The following RILPL1 variants were observed in gnomAD, a reference collection of about 807,000 sequenced individuals.
RILPL1 encodes the protein RILP-like protein 1.
In RILPL1, 33 loss-of-function variants were observed where a neutral mutation model predicts 50.3. That is an observed-to-expected ratio of 0.66 (90% CI 0.50 to 0.88). The LOEUF (loss-of-function observed/expected upper bound fraction) is 0.88, where lower values mean the gene tolerates loss of function less well. Ranked by LOEUF, RILPL1 falls within the 40% of genes least tolerant of loss-of-function variation. RILPL1 has a pLI of 0.00. For missense variants in RILPL1, 418 were observed against 542.5 expected (o/e 0.77, Z 2.28); for synonymous variants, 205 against 228.6 (o/e 0.90, Z 0.93).
At chr12:123,525,864 G>A (rs1885233670) in intron 1 of RILPL1, among the ~76,000 whole-genome samples, 1 of 151,870 alleles carries the variant, frequency 6.6e-6, no homozygotes, top group South Asian at 2.1e-4. Context: ...CACTTTAAAT[G>A]AGTGTTATGG....
chr12:123,530,159 C>G (rs1298272702), intron 1 of RILPL1, among the ~76,000 whole-genome samples: 1 of 152,024 alleles, frequency 6.6e-6, no homozygotes, highest in Non-Finnish European at 1.5e-5. Context: ...ATTAACCTCA[C>G]TGGTTTGTTG....
intron 2 of RILPL1, among the ~76,000 whole-genome samples, chr12:123,521,696 TGTATATATATATA>T (rs1885060267): frequency 1.4e-4 from 15 of 111,064 alleles, no homozygotes; most frequent in Non-Finnish European, 3.6e-5. Flanking sequence ...CACACATATA[TGTATATATATATA>T]AATATATATA....
rs915277352 is a variant in RILPL1, at chr12:123,498,846, A to G, written c.580-81T>C. The G allele has an allele frequency of 2.9e-5, 37 of 1,281,610 alleles. No individual in the cohort carries two copies. In the Middle Eastern group the frequency reaches 9.3e-4, roughly 32 times the overall value. 79.4% of individuals were successfully genotyped at this position (1,281,610 alleles called of 1,614,324 possible). ...TACACTGCACAACGGCAAACCATCC[A>G]TAGGTGTGCCATTTACATTGCAGAC... On this transcript the variant is annotated intron_variant, in intron 3 of 6. Coordinates refer to ENST00000376874, the MANE Select transcript of RILPL1 (RefSeq NM_178314.5). The surrounding 1 kb of genome is among the most constrained non-coding windows in gnomAD (Gnocchi z 4.3).
Position 123,475,778 on chromosome 12 carries a change from G to C in RILPL1, c.1068-3096C>G, listed in dbSNP as rs767098519. The C allele has an allele frequency of 1.4e-5, 21 of 1,448,800 alleles. No homozygotes were observed. In the African/African-American group the frequency reaches 2.8e-4, roughly 19 times the overall value. 89.7% of individuals were successfully genotyped at this position (1,448,800 alleles called of 1,614,324 possible). A position where few individuals can be genotyped will look rare whatever the true frequency, so the allele number is the denominator to read the frequency against. ...GGTTAGAGAAGTACAGATAGACACA[G>C]AGAAGATAAAAACGGGAGGCATGAA... On this transcript the variant is annotated intron_variant, in intron 6 of 6. Transcript: ENST00000376874.
chr12:123,485,796 C>T lies in RILPL1; in HGVS notation c.811G>A (p.Val271Met), dbSNP rs747513807. 1.9e-6 allele frequency: 3 copies of T among 1,606,024 alleles called. No homozygotes were observed. The highest frequency in any genetic ancestry group is 3.4e-5 in the Admixed American group (2 of 58,190). Residue 271 changes from valine to methionine, a missense_variant, in exon 5 of 7, where the codon GTG becomes ATG. Coordinates refer to ENST00000376874, the MANE Select transcript of RILPL1 (RefSeq NM_178314.5). The surrounding 1 kb of genome is among the most constrained non-coding windows in gnomAD (Gnocchi z 4.0). Reference protein sequence around the residue: ...NGEEEPETEPVGEESISDAEK... With the variant: ...NGEEEPETEPMGEESISDAEK... Reference sequence around the variant, plus strand: ...GCGTCGGAGATGCTCTCCTCTCCCACCGGCTCCGTCTGGAGGAGGCAGAGA... The same window carrying T: ...GCGTCGGAGATGCTCTCCTCTCCCATCGGCTCCGTCTGGAGGAGGCAGAGA...
chr12:123,495,059 A>G lies in RILPL1; in HGVS notation c.801+3485T>C, dbSNP rs1882939973. On this transcript the variant is annotated intron_variant, in intron 4 of 6. Coordinates refer to ENST00000376874, the MANE Select transcript of RILPL1 (RefSeq NM_178314.5). ...GCAGCCATGTGACTCAGGAATAAAC[A>G]TGCATATTCTAGGTCTCTGGCCACA... Among the ~76,000 whole-genome samples the G allele has an allele frequency of 2.0e-5, 3 of 152,184 alleles. No homozygotes were observed. The South Asian group carries it at 6.2e-4, about 31-fold the overall frequency.
In RILPL1 at chr12:123,498,304, C is replaced by T. The variant is rs1223798430; in HGVS notation, c.801+240G>A. 1.3e-5 allele frequency among the ~76,000 whole-genome samples: 2 copies of T among 150,398 alleles called. No individual in the cohort carries two copies. On this transcript the variant is annotated intron_variant, in intron 4 of 6. Coordinates refer to ENST00000376874, the MANE Select transcript of RILPL1 (RefSeq NM_178314.5). The surrounding 1 kb of genome is among the most constrained non-coding windows in gnomAD (Gnocchi z 4.3). ...AATCATGGCTCATTGCAGCCTTGAACTCCTGGGCTCAAGTGATCCTCCTGC... is the reference window on the plus strand; with the variant it reads ...AATCATGGCTCATTGCAGCCTTGAATTCCTGGGCTCAAGTGATCCTCCTGC...
intron 2 of RILPL1, among the ~76,000 whole-genome samples, chr12:123,516,175 G>A (rs2139374043): frequency 6.6e-6 from 1 of 152,134 alleles, no homozygotes; most frequent in South Asian, 2.1e-4. Context: ...GCCCATCAGA[G>A]GTAGCAAAGC....
At chr12:123,479,522 C>T (rs1566113474) in intron 6 of RILPL1, among the ~76,000 whole-genome samples, 2 of 152,162 alleles carry the variant, frequency 1.3e-5, no homozygotes, top group Admixed American at 1.3e-4. Context: ...CCTGCGCCAG[C>T]CCAGGGAAGA....
chr12:123,530,649 T>C (rs1885413201), intron 1 of RILPL1, among the ~76,000 whole-genome samples: 1 of 152,160 alleles, frequency 6.6e-6, no homozygotes, highest in Non-Finnish European at 1.5e-5. Context: ...GCTGAATGAG[T>C]GAATGAATAG....
chr12:123,532,806 G>A (rs1566150281), intron 1 of RILPL1, among the ~76,000 whole-genome samples: 3 of 148,982 alleles, frequency 2.0e-5, no homozygotes, highest in South Asian at 4.2e-4. Context: ...AGAATAATAT[G>A]TCTAAGCACT....
At chr12:123,481,858 C>A (rs910009399) in intron 6 of RILPL1, among the ~76,000 whole-genome samples, 3 of 151,726 alleles carry the variant, frequency 2.0e-5, no homozygotes, top group African/African-American at 7.3e-5. Context: ...AGCCCAGCCC[C>A]AAATTTGTTT....
intron 1 of RILPL1, among the ~76,000 whole-genome samples, chr12:123,525,700 C>CAA (rs1207503097): frequency 0.075 from 3,371 of 44,780 alleles, 408 homozygotes; most frequent in African/African-American, 0.2. Context: ...GACACTGTCT[C>CAA]AAAAAAAAAA....
intron 1 of RILPL1, among the ~76,000 whole-genome samples, chr12:123,528,158 G>A (rs1458822059): frequency 6.6e-6 from 1 of 151,962 alleles, no homozygotes; most frequent in Non-Finnish European, 1.5e-5. Context: ...CTTGAGCCCA[G>A]GAGTCTGCAG....
At chr12:123,492,638 G>A (rs1367875594) in intron 4 of RILPL1, among the ~76,000 whole-genome samples, 1 of 152,216 alleles carries the variant, frequency 6.6e-6, no homozygotes, top group Non-Finnish European at 1.5e-5. Context: ...TGGCAATGAT[G>A]AGATGTGGGG....
intron 2 of RILPL1, among the ~76,000 whole-genome samples, chr12:123,509,934 G>A (rs1031302979): frequency 1.3e-5 from 2 of 152,238 alleles, no homozygotes; most frequent in Non-Finnish European, 2.9e-5. Context: ...GCTGATGGGG[G>A]AAGATGAGGA....
Position 123,485,095 on chromosome 12 carries a change from T to G in RILPL1, c.974+538A>C. On this transcript the variant is annotated intron_variant, in intron 5 of 6. Transcript: ENST00000376874. This position sits in a 1 kb window ranked among gnomAD's most constrained non-coding sequence, Gnocchi z 4.0. ...TGGTGCATGGGTCCTTCCTTCCAGC[T>G]TTCTATTCAACAGATATTTGTTGTG... The G allele has an allele frequency of 4.4e-6, 2 of 452,414 alleles. No individual in the cohort carries two copies. Among genetic ancestry groups the G allele is most frequent in the Non-Finnish European group, 8.9e-6 (2 of 223,670 alleles). 28.0% of individuals were successfully genotyped at this position (452,414 alleles called of 1,614,324 possible).
At chr12:123,521,562 TTA>T (rs1427380929) in intron 2 of RILPL1, among the ~76,000 whole-genome samples, 1 of 54,776 alleles carries the variant, frequency 1.8e-5, no homozygotes, top group African/African-American at 6.8e-5. Flanking sequence ...TGTATATATA[TTA>T]ATATATATAC....
Position 123,498,683 on chromosome 12 carries a change from G to A in RILPL1, c.662C>T (p.Ala221Val). The A allele has an allele frequency of 6.2e-7, 1 of 1,613,684 alleles. No homozygotes were observed. Among genetic ancestry groups the A allele is most frequent in the Non-Finnish European group, 8.5e-7 (1 of 1,179,890 alleles). Residue 221 changes from alanine (A) to valine (V), a missense_variant, in exon 4 of 7, where the codon GCC (alanine) becomes GTC (valine). Coordinates refer to ENST00000376874, the MANE Select transcript of RILPL1 (RefSeq NM_178314.5). The surrounding 1 kb of genome is among the most constrained non-coding windows in gnomAD (Gnocchi z 4.3). ...CAGCTCCACCTTCTGTTCGATCAGG[G>A]CTTTCCCCTGGGCCTCCACCACCGT... Reference protein sequence around the residue: ...RVTVVEAQGKALIEQKVELEA... With the variant: ...RVTVVEAQGKVLIEQKVELEA...
Sources: gnomAD v4.1 joint callset for allele counts (sites outside exome capture counted in the v4.1 genomes callset) on GRCh38, gnomAD v4.1.1 for gene constraint, Gnocchi (gnomAD v3.1) non-coding constraint, MANE v1.5 for transcripts, NCBI Gene and HGNC (gene_info 2026-07-23, HGNC 2026-07-21) for gene names.